Variants in PARP6 observed in about 807,000 individuals in gnomAD.
PARP6 encodes the protein protein mono-ADP-ribosyltransferase PARP6.
In PARP6, 27 loss-of-function variants were observed where a neutral mutation model predicts 92.0. The observed-to-expected ratio is 0.29, with a 90% CI of 0.22 to 0.40. PARP6 has a LOEUF of 0.40. PARP6 is among the 10% of genes least tolerant of loss of function. The probability of loss-of-function intolerance (pLI) is 1.00; values close to 1 mark genes in which losing one functional copy is unlikely to be tolerated. For missense variants in PARP6, 501 were observed against 784.5 expected (o/e 0.64, Z 4.32); for synonymous variants, 272 against 281.2 (o/e 0.97, Z 0.33).
chr15:72,270,635 C>T (rs2087283920), intron 2 of PARP6, among the ~76,000 whole-genome samples: 1 of 152,172 alleles, frequency 6.6e-6, no homozygotes, highest in Admixed American at 6.5e-5. Flanking sequence ...TCTTGGAATG[C>T]TTTCCACCCA....
rs375016263 is a variant in PARP6 at position 72,261,631 on chromosome 15, G to A, written c.472C>T (p.His158Tyr). 5.5e-5 allele frequency: 89 copies of A among 1,613,894 alleles called. No individual in the cohort carries two copies. Among genetic ancestry groups the A allele is most frequent in the Non-Finnish European group, 7.5e-5 (88 of 1,179,898 alleles). The change falls in exon 9 of 24, where the codon CAC (histidine) becomes TAC (tyrosine). Residue 158 changes from histidine (H) to tyrosine (Y), a missense_variant. Around this residue, in one of 4 missense-constraint regions of PARP6, gnomAD observed 291 missense variants for 352.0 expected, o/e 0.83. Coordinates refer to ENST00000569795, the MANE Select transcript of PARP6 (RefSeq NM_001323532.2). ...DFLKTQQEKRHSWFKASGTIK... is the reference protein window; with the variant it reads ...DFLKTQQEKRYSWFKASGTIK... ...GTACCACTTGCCTTGAACCAACTGT[G>A]CCTCTTCTCCTGCTGGGTCTTCAAG...
chr15:72,254,033 T>A, intron 15 of PARP6: 1 of 462,476 alleles, frequency 2.2e-6, no homozygotes, highest in South Asian at 1.5e-5. Context: ...CAGCCTTGAG[T>A]CAAAGGATGG....
intron 20 of PARP6, chr15:72,244,318 C>T (rs2083370763): frequency 6.6e-6 from 1 of 152,200 alleles, no homozygotes. Flanking sequence ...CAACTCAATC[C>T]TGTTGTACAC....
chr15:72,252,546 A>T (rs1335119067), intron 16 of PARP6, among the ~76,000 whole-genome samples: 2 of 151,130 alleles, frequency 1.3e-5, no homozygotes, highest in African/African-American at 4.9e-5. Flanking sequence ...AGTGTAATGG[A>T]GCAATCTCAG....
intron 18 of PARP6, chr15:72,250,506 T>C (rs2084203143): frequency 3.0e-6 from 1 of 335,152 alleles, no homozygotes; most frequent in Non-Finnish European, 5.5e-6. Flanking sequence ...TTCTCTTTAA[T>C]ACCTCTCTTT....
intron 8 of PARP6, among the ~76,000 whole-genome samples, chr15:72,262,973 A>G (rs763213426): frequency 2.0e-5 from 3 of 152,328 alleles, no homozygotes; most frequent in East Asian, 1.9e-4. Context: ...ACATTGATGC[A>G]TATCTTCAAC....
intron 2 of PARP6, among the ~76,000 whole-genome samples, chr15:72,269,456 T>C (rs1345880422): frequency 2.0e-5 from 3 of 151,984 alleles, no homozygotes; most frequent in Non-Finnish European, 4.4e-5. Flanking sequence ...CCACTGTGCC[T>C]GGCAGGTCTC....
intron 20 of PARP6, among the ~76,000 whole-genome samples, chr15:72,246,820 T>C (rs541291956): frequency 2.0e-5 from 3 of 152,054 alleles, no homozygotes; most frequent in Non-Finnish European, 2.9e-5. Flanking sequence ...AATGGCGCAG[T>C]CTCACCTCAC....
rs776483939 is a variant in PARP6, at chr15:72,267,647, G to C, written c.-170C>G. 1 of 667,904 alleles carries C rather than the reference G, an allele frequency of 1.5e-6. No individual in the cohort carries two copies. The highest frequency in any genetic ancestry group is 2.7e-6 in the Non-Finnish European group (1 of 371,908). 41.4% of individuals were successfully genotyped at this position (667,904 alleles called of 1,614,324 possible). ...TCTGTTGGGGATGGCAGGCTCTGCT[G>C]TTGCGGTGGTAACAAGTCACTGTCC... On this transcript the variant is annotated 5_prime_UTR_variant, in exon 3 of 24. Transcript: ENST00000569795.
intron 20 of PARP6, among the ~76,000 whole-genome samples, chr15:72,247,885 C>T (rs886909680): frequency 5.9e-5 from 9 of 151,796 alleles, no homozygotes; most frequent in African/African-American, 1.9e-4. Context: ...TGGGTTCAAG[C>T]GATTCTCCTG....
Position 72,250,029 on chromosome 15 carries a change from G to A in PARP6, c.1482C>T (p.Thr494=), listed in dbSNP as rs1241532306. The change falls in exon 19 of 24, where the codon ACC becomes ACT. Residue 494 remains threonine (T), a synonymous_variant. Coordinates refer to ENST00000569795, the MANE Select transcript of PARP6 (RefSeq NM_001323532.2). ...AGGGGCACAGCCTCACCTGCAGTTT[G>A]GTGTAGGATGCATTGACCAGCCCAT... ...LRNGLVNASY[T]KLQLHGAAYG... 1 of 1,600,166 alleles carries A rather than the reference G, an allele frequency of 6.2e-7. No individual in the cohort carries two copies. Among genetic ancestry groups the A allele is most frequent in the Admixed American group, 1.7e-5 (1 of 59,990 alleles).
intron 16 of PARP6, among the ~76,000 whole-genome samples, chr15:72,251,659 A>G (rs1230754327): frequency 2.0e-5 from 3 of 152,240 alleles, no homozygotes; most frequent in Non-Finnish European, 4.4e-5. Context: ...ATTTAGACTC[A>G]GATTCAGACC....
At chr15:72,256,855 C>G (rs1201299575) in intron 13 of PARP6, among the ~76,000 whole-genome samples, 1 of 152,086 alleles carries the variant, frequency 6.6e-6, no homozygotes, top group Non-Finnish European at 1.5e-5. Context: ...AATTTTCCTA[C>G]GGAAATATTT....
Position 72,254,518 on chromosome 15 carries a change from C to G in PARP6, c.1128G>C (p.Lys376Asn). Residue 376 changes from lysine to asparagine, a missense_variant and splice_region_variant, in exon 15 of 24, where the codon AAG (lysine) becomes AAC (asparagine). By Grantham distance (94) the Lys-to-Asn change is moderately conservative. Transcript: ENST00000569795. ...DPKTLAFNPK[K>N]KNYERLQKAL... ...CTTTCTGAAGCCGCTCATAATTCTT[C>G]TTCTGTGGAGAATCAATGGGAAGAG... 6.2e-7 allele frequency: 1 copy of G among 1,611,562 alleles called. No homozygotes were observed.
chr15:72,244,662 C>T (rs116249808), intron 20 of PARP6: 1 of 152,158 alleles, frequency 6.6e-6, no homozygotes, highest in African/African-American at 2.4e-5. Flanking sequence ...AGAAAACATA[C>T]AAGACAGTTG....
At chr15:72,251,350 A>C in intron 16 of PARP6, 95 bp from the exon 17 acceptor site, 3 of 720,088 alleles carry the variant, frequency 4.2e-6, no homozygotes, top group Non-Finnish European at 6.9e-6. Context: ...CTTTGGGAGA[A>C]TAAACAAGGA....
At chr15:72,260,182 C>T (rs532184033) in intron 10 of PARP6, among the ~76,000 whole-genome samples, 4 of 152,098 alleles carry the variant, frequency 2.6e-5, no homozygotes, top group Non-Finnish European at 2.9e-5. Context: ...ATTAGCCAGT[C>T]GTGGCATGTG....
chr15:72,264,138 C>G (rs1421587746), intron 8 of PARP6, among the ~76,000 whole-genome samples: 1 of 152,046 alleles, frequency 6.6e-6, no homozygotes, highest in African/African-American at 2.4e-5. Flanking sequence ...ATCCAGTGGA[C>G]TCTATTTGAA....
In PARP6 at chr15:72,260,696, G is replaced by T. The variant is rs376701085; in HGVS notation, c.546-8C>A. ...ATAGGGAAACTGGGAGACCTGCAGA[G>T]AGAGAGCAAAGAGAAGTGATAAAAC... On this transcript the variant is annotated splice_region_variant and splice_polypyrimidine_tract_variant and intron_variant, in intron 9 of 23. Coordinates refer to ENST00000569795, the MANE Select transcript of PARP6 (RefSeq NM_001323532.2). 2 of 1,601,494 alleles carry T rather than the reference G, an allele frequency of 1.2e-6. No individual in the cohort carries two copies. The highest frequency in any genetic ancestry group is 1.7e-5 in the Admixed American group (1 of 60,020).
Sources: allele counts gnomAD v4.1 joint callset (sites outside exome capture counted in the v4.1 genomes callset), GRCh38; gene constraint gnomAD v4.1.1; regional missense constraint gnomAD v4.1.1; transcripts MANE v1.5; gene names NCBI Gene and HGNC (gene_info 2026-07-23, HGNC 2026-07-21).